The following PLCB1 variants were observed in gnomAD, a reference collection of about 807,000 sequenced individuals.
The protein encoded by PLCB1 is phospholipase C beta 1, also known as 1-phosphatidylinositol 4,5-bisphosphate phosphodiesterase beta-1.
PLCB1 carries 46 observed loss-of-function variants against 161.8 expected under a neutral mutation model. The observed-to-expected ratio is 0.28, with a 90% CI of 0.22 to 0.36. The LOEUF (loss-of-function observed/expected upper bound fraction) is 0.36, where lower values mean the gene tolerates loss of function less well. Ranked by LOEUF, PLCB1 falls within the 10% of genes least tolerant of loss-of-function variation. The probability of loss-of-function intolerance (pLI) is 1.00; values close to 1 mark genes in which losing one functional copy is unlikely to be tolerated. For missense variants in PLCB1, 1,016 were observed against 1,472.5 expected (o/e 0.69, Z 5.07); for synonymous variants, 517 against 503.7 (o/e 1.03, Z -0.35).
At chr20:8,443,937 G>A (rs1980686020) in intron 3 of PLCB1, among the ~76,000 whole-genome samples, 1 of 151,980 alleles carries the variant, frequency 6.6e-6, no homozygotes, top group South Asian at 2.1e-4. Flanking sequence ...TTCTTTTGTT[G>A]GTTCTTCCAG....
At chr20:8,264,306 T>A (rs755907247) in intron 2 of PLCB1, among the ~76,000 whole-genome samples, 1 of 152,186 alleles carries the variant, frequency 6.6e-6, no homozygotes, top group Non-Finnish European at 1.5e-5. Flanking sequence ...AACTGTCACC[T>A]CATATGATAG....
At chr20:8,537,267 G>A (rs766011759) in intron 3 of PLCB1, among the ~76,000 whole-genome samples, 19 of 152,156 alleles carry the variant, frequency 1.2e-4, no homozygotes, top group Non-Finnish European at 2.5e-4. Context: ...GTTTGATCCC[G>A]GACTTACAGT....
At chr20:8,881,533 T>C (rs2146337362) in intron 31 of PLCB1, 89 bp from the exon 32 acceptor site, 1 of 950,314 alleles carries the variant, frequency 1.1e-6, no homozygotes, top group Non-Finnish European at 1.7e-6. Context: ...CATCAGCCCC[T>C]TTTGTATATC....
At chr20:8,636,427 C>T (rs1276611459) in intron 4 of PLCB1, among the ~76,000 whole-genome samples, 1 of 152,190 alleles carries the variant, frequency 6.6e-6, no homozygotes, top group Non-Finnish European at 1.5e-5. Context: ...ACTCTACATT[C>T]TGCACATTTT....
At chr20:8,578,294 A>G (rs1417306327) in intron 3 of PLCB1, among the ~76,000 whole-genome samples, 2 of 152,226 alleles carry the variant, frequency 1.3e-5, no homozygotes, top group South Asian at 2.1e-4. Context: ...CATTCTCTCC[A>G]GGGCAATTAA....
intron 3 of PLCB1, among the ~76,000 whole-genome samples, chr20:8,500,440 A>G (rs1308615851): frequency 6.6e-6 from 1 of 152,196 alleles, no homozygotes; most frequent in Non-Finnish European, 1.5e-5. Context: ...GTGGATGACA[A>G]CATAGAGCCT....
intron 2 of PLCB1, among the ~76,000 whole-genome samples, chr20:8,228,149 G>A (rs1057436168): frequency 6.6e-6 from 1 of 151,776 alleles, no homozygotes; most frequent in Non-Finnish European, 1.5e-5. Flanking sequence ...ACAGAAGTGA[G>A]ACTCTGTCTC....
intron 3 of PLCB1, among the ~76,000 whole-genome samples, chr20:8,534,302 A>T (rs1361677122): frequency 2.0e-5 from 3 of 152,118 alleles, no homozygotes; most frequent in Non-Finnish European, 4.4e-5. Flanking sequence ...TCAGCCTCCC[A>T]AAGTGCTGGA....
intron 3 of PLCB1, among the ~76,000 whole-genome samples, chr20:8,383,069 T>G (rs1372157364): frequency 6.6e-6 from 1 of 152,176 alleles, no homozygotes; most frequent in Non-Finnish European, 1.5e-5. Flanking sequence ...CAGAGCTGAG[T>G]TCAAGTCCTG....
chr20:8,644,847 A>T (rs546145729), intron 4 of PLCB1, among the ~76,000 whole-genome samples: 8,571 of 152,168 alleles, frequency 0.056, 796 homozygotes, highest in African/African-American at 0.19. Flanking sequence ...CTCATTGAGA[A>T]CGGGCCAGGA....
At position 8,360,960 on chromosome 20, in the gene PLCB1, A is replaced by G. The variant is rs534947149; in HGVS notation, c.178-10422A>G. ...AGATGGATATAACCAATCAGCTACT[A>G]AGGTAAAGCAAGGATAAATGCCGTC... is the stretch of plus-strand genomic sequence containing the variant. On this transcript the variant is annotated intron_variant, in intron 2 of 31. Transcript: ENST00000338037. 3.4e-3 allele frequency among the ~76,000 whole-genome samples: 515 copies of G among 152,348 alleles called. 5 individuals carry two copies. The highest frequency in any genetic ancestry group is 6.8e-3 in the Middle Eastern group (2 of 294).
intron 4 of PLCB1, among the ~76,000 whole-genome samples, chr20:8,628,940 A>T (rs1174295595): frequency 1.3e-5 from 2 of 152,144 alleles, no homozygotes; most frequent in Admixed American, 6.5e-5. Flanking sequence ...CTCAAAAAAA[A>T]AAAATAAATA....
chr20:8,301,652 G>A (rs112488326), intron 2 of PLCB1, among the ~76,000 whole-genome samples: 88 of 152,184 alleles, frequency 5.8e-4, no homozygotes, highest in African/African-American at 1.8e-3. Flanking sequence ...TGTTTCTACC[G>A]TCTGGAATAC....
chr20:8,340,651 C>G (rs543467532), intron 2 of PLCB1, among the ~76,000 whole-genome samples: 1 of 152,220 alleles, frequency 6.6e-6, no homozygotes, highest in East Asian at 1.9e-4. Flanking sequence ...GTCTCGATCT[C>G]CTGACCTCGT....
intron 1 of PLCB1, among the ~76,000 whole-genome samples, chr20:8,136,576 A>G (rs1415581990): frequency 2.0e-5 from 3 of 151,508 alleles, no homozygotes; most frequent in African/African-American, 4.9e-5. Context: ...CAGTGAGCCG[A>G]GATCGCGCCA....
chr20:8,644,667 G>C (rs1030717060), intron 4 of PLCB1, among the ~76,000 whole-genome samples: 15 of 151,518 alleles, frequency 9.9e-5, no homozygotes, highest in East Asian at 3.9e-4. Context: ...AGTGAGGAGC[G>C]TCTCCGCCCG....
intron 7 of PLCB1, among the ~76,000 whole-genome samples, chr20:8,651,034 C>T (rs1989304124): frequency 6.6e-6 from 1 of 152,196 alleles, no homozygotes; most frequent in Non-Finnish European, 1.5e-5. Flanking sequence ...TTCTACATGA[C>T]TGGCTCTAAA....
At chr20:8,641,822 A>T (rs1006609282) in intron 4 of PLCB1, among the ~76,000 whole-genome samples, 5 of 152,210 alleles carry the variant, frequency 3.3e-5, no homozygotes, top group Non-Finnish European at 7.3e-5. Flanking sequence ...AAGAGAGCAG[A>T]GTAATAGCAA....
At chr20:8,482,175 C>T (rs561005284) in intron 3 of PLCB1, among the ~76,000 whole-genome samples, 2 of 138,802 alleles carry the variant, frequency 1.4e-5, no homozygotes, top group African/African-American at 5.6e-5. Context: ...GTGATCTCGG[C>T]TCACTGCAAC....
Sources: gnomAD v4.1 joint callset for allele counts (sites outside exome capture counted in the v4.1 genomes callset) on GRCh38, gnomAD v4.1.1 for gene constraint, MANE v1.5 for transcripts, NCBI Gene and HGNC (gene_info 2026-07-23, HGNC 2026-07-21) for gene names.